ARHGAP12: variants seen among roughly 807,000 people sequenced by gnomAD.
ARHGAP12 encodes the protein rho GTPase-activating protein 12.
ARHGAP12 carries 64 observed loss-of-function variants against 108.6 expected under a neutral mutation model. The observed-to-expected ratio is 0.59, with a 90% CI of 0.48 to 0.73. The LOEUF (loss-of-function observed/expected upper bound fraction) is 0.73, where lower values mean the gene tolerates loss of function less well. Among genes scored for constraint, ARHGAP12 ranks in the 30% least tolerant of loss-of-function variants. The probability of loss-of-function intolerance (pLI) is 0.00; values close to 1 mark genes in which losing one functional copy is unlikely to be tolerated. For synonymous variants in ARHGAP12, 312 were observed against 337.2 expected (o/e 0.93, Z 0.82); for missense variants, 940 against 1,005.9 (o/e 0.93, Z 0.89).
At chr10:31,854,643 A>T (rs1210443307) in intron 4 of ARHGAP12, among the ~76,000 whole-genome samples, 2 of 152,206 alleles carry the variant, frequency 1.3e-5, no homozygotes. Flanking sequence ...TGCAAGGCAA[A>T]CAACCCTGCT....
intron 7 of ARHGAP12, among the ~76,000 whole-genome samples, chr10:31,842,362 A>G (rs1836301407): frequency 6.6e-6 from 1 of 152,018 alleles, no homozygotes; most frequent in Admixed American, 6.6e-5. Flanking sequence ...TCTCAACACT[A>G]ATATATTTTC....
chr10:31,910,093 C>G (rs981053267), intron 2 of ARHGAP12, among the ~76,000 whole-genome samples: 1 of 152,024 alleles, frequency 6.6e-6, no homozygotes, highest in African/African-American at 2.4e-5. Context: ...CGAGGGAGCA[C>G]GGCCCTGCCA....
rs570843826 is a variant in ARHGAP12 at position 31,816,152 on chromosome 10, AAAAG to A, written c.1731+1632_1731+1635del. On this transcript the variant is annotated intron_variant, in intron 13 of 19. Coordinates refer to ENST00000344936, the MANE Select transcript of ARHGAP12 (RefSeq NM_018287.7). ...GGTAACAGAGCAAGACTGTCTCAAAAAAAGAAAGAAAGAAACGTGTGTGTGTGTG... is the reference window on the plus strand; with the variant it reads ...GGTAACAGAGCAAGACTGTCTCAAAAAAAGAAAGAAACGTGTGTGTGTGTG... 3.0e-3 allele frequency among the ~76,000 whole-genome samples: 436 copies of A among 143,178 alleles called. 11 individuals carry two copies. Among genetic ancestry groups the A allele is most frequent in the Admixed American group, 0.024 (332 of 13,822 alleles). 93.9% of individuals were successfully genotyped at this position (143,178 alleles called of 152,430 possible).
In ARHGAP12 at chr10:31,922,180, CAAAAAAAAAAAAAAAAA is replaced by C. The variant is rs56210740; in HGVS notation, c.-111+6486_-111+6502del. Among the ~76,000 whole-genome samples, 447 of 66,076 alleles carry C rather than the reference CAAAAAAAAAAAAAAAAA, an allele frequency of 6.8e-3. 5 individuals are homozygous for C. The highest frequency in any genetic ancestry group is 0.025 in the African/African-American group (388 of 15,572). The allele number at this position is 66,076 out of a possible 152,430, so 43.3% of individuals were successfully genotyped here. A position where few individuals can be genotyped will look rare whatever the true frequency, so the allele number is the denominator to read the frequency against. On this transcript the variant is annotated intron_variant, in intron 1 of 19. Transcript: ENST00000344936. ...TGGGAGACAGAGCAAGACCCTGCCT[CAAAAAAAAAAAAAAAAA>C]AAAAAAAAAAAAAAAAAAAAAGCAC...
intron 13 of ARHGAP12, among the ~76,000 whole-genome samples, chr10:31,816,108 G>A (rs912174837): frequency 4.0e-5 from 6 of 151,530 alleles, no homozygotes; most frequent in African/African-American, 1.5e-4. Context: ...CTAAGATCAT[G>A]CCATTGCACT....
chr10:31,901,604 T>C (rs1161517268), intron 3 of ARHGAP12, among the ~76,000 whole-genome samples: 3 of 150,012 alleles, frequency 2.0e-5, no homozygotes, highest in East Asian at 2.0e-4. Flanking sequence ...AAGGTGCTAA[T>C]CTCAAAACCT....
At chr10:31,909,645 C>T (rs1399993326) in intron 2 of ARHGAP12, among the ~76,000 whole-genome samples, 1 of 152,178 alleles carries the variant, frequency 6.6e-6, no homozygotes, top group Non-Finnish European at 1.5e-5. Flanking sequence ...CCTATATTCC[C>T]AACACTTTGG....
At chr10:31,839,582 A>T (rs1836170906) in intron 8 of ARHGAP12, 55 bp downstream of exon 8, 1 of 1,466,046 alleles carries the variant, frequency 6.8e-7, no homozygotes, top group Non-Finnish European at 9.3e-7. Flanking sequence ...TTAACTTGCT[A>T]AAATTGATTG....
intron 3 of ARHGAP12, 96 bp from the exon 4 acceptor site, chr10:31,861,754 A>T: frequency 8.7e-7 from 1 of 1,152,822 alleles, no homozygotes; most frequent in Non-Finnish European, 1.2e-6. Context: ...ATACTAACTC[A>T]TTTTAAAACA....
At chr10:31,887,580 A>T (rs1343297225) in intron 3 of ARHGAP12, among the ~76,000 whole-genome samples, 6 of 152,006 alleles carry the variant, frequency 3.9e-5, no homozygotes, top group African/African-American at 1.5e-4. Flanking sequence ...GGCATTAAGG[A>T]CTTTACAGTC....
chr10:31,907,952 T>C (rs1444106058), intron 3 of ARHGAP12, among the ~76,000 whole-genome samples: 2 of 152,216 alleles, frequency 1.3e-5, no homozygotes, highest in Non-Finnish European at 2.9e-5. Flanking sequence ...GATCTAGTCC[T>C]GTCATGGTAT....
At chr10:31,819,166 T>G (rs2132164254) in intron 12 of ARHGAP12, among the ~76,000 whole-genome samples, 1 of 152,144 alleles carries the variant, frequency 6.6e-6, no homozygotes, top group South Asian at 2.1e-4. Flanking sequence ...AATAAAGAAG[T>G]AGCCTCATTG....
At chr10:31,834,934 C>T (rs1469220500) in intron 9 of ARHGAP12, among the ~76,000 whole-genome samples, 1 of 152,170 alleles carries the variant, frequency 6.6e-6, no homozygotes, top group Non-Finnish European at 1.5e-5. Flanking sequence ...GGCACGGTGG[C>T]TCACGCCTGT....
rs548718890 is a variant in ARHGAP12, at chr10:31,818,058, A to G, written c.1633-172T>C. Among the ~76,000 whole-genome samples, 3 of 152,324 alleles carry G rather than the reference A, an allele frequency of 2.0e-5. No individual in the cohort carries two copies. In the South Asian group the frequency reaches 6.2e-4, roughly 32 times the overall value. ...CGGCTATGGAATACCTTTTTGGTTT[A>G]CAATAATATCAGTTGAATAAAAAAA... On this transcript the variant is annotated intron_variant, in intron 12 of 19. Transcript: ENST00000344936.
chr10:31,870,901 T>C (rs1422869298), intron 3 of ARHGAP12, among the ~76,000 whole-genome samples: 6 of 152,248 alleles, frequency 3.9e-5, no homozygotes, highest in African/African-American at 1.4e-4. Context: ...GTTTACTTAC[T>C]TAACTAACAT....
In ARHGAP12 at chr10:31,861,570, G is replaced by A; in HGVS notation, c.773C>T (p.Pro258Leu). Residue 258 changes from proline to leucine, a missense_variant, in exon 4 of 20, where the codon CCA becomes CTA. By Grantham distance (98) the Pro-to-Leu change is moderately conservative. Transcript: ENST00000344936. ...CTGAATTGCCGGGCTCCCAGGAAGT[G>A]GGGGAAGAGCAGACTGGGATATTTT... The part of the protein sequence containing the change: ...ELKISQSALP[P>L]LPGSPAIQIN... 10 of 1,614,156 alleles carry A rather than the reference G, an allele frequency of 6.2e-6. No homozygotes were observed. Among genetic ancestry groups the A allele is most frequent in the Non-Finnish European group, 7.6e-6 (9 of 1,180,028 alleles).
intron 7 of ARHGAP12, 136 bp from the exon 8 acceptor site, chr10:31,839,847 A>G: frequency 1.9e-6 from 1 of 533,788 alleles, no homozygotes; most frequent in Non-Finnish European, 3.1e-6. Flanking sequence ...TTCAGCTCCA[A>G]GCTAATAAGG....
At chr10:31,808,592 G>T in intron 19 of ARHGAP12, 57 bp downstream of exon 19, 1 of 1,505,710 alleles carries the variant, frequency 6.6e-7, no homozygotes, top group Non-Finnish European at 9.2e-7. Flanking sequence ...TGGCCCCACA[G>T]GCCTTCCCGC....
chr10:31,921,253 T>C (rs1302834396), intron 1 of ARHGAP12, among the ~76,000 whole-genome samples: 8 of 152,078 alleles, frequency 5.3e-5, no homozygotes, highest in Non-Finnish European at 1.0e-4. Context: ...ACTTCAGCCT[T>C]GGTGAGAGTG....
Sources: allele counts gnomAD v4.1 joint callset (sites outside exome capture counted in the v4.1 genomes callset), GRCh38; gene constraint gnomAD v4.1.1; transcripts MANE v1.5; gene names NCBI Gene and HGNC (gene_info 2026-07-23, HGNC 2026-07-21).